Variants in CCDC149 observed in about 807,000 individuals in gnomAD.
CCDC149 encodes the protein coiled-coil domain-containing protein 149.
Under a neutral mutation model 59.9 loss-of-function variants are expected in CCDC149, and 45 were observed. The ratio of observed to expected loss-of-function variants is 0.75; its 90% CI spans 0.59 to 0.96. The LOEUF is 0.96. CCDC149 is among the 40% of genes least tolerant of loss of function. The pLI is 0.00. For missense variants in CCDC149, 584 were observed against 664.7 expected, an observed-to-expected ratio of 0.88 and a Z score of 1.33; for synonymous variants, 245 against 260.6, an observed-to-expected ratio of 0.94 and a Z score of 0.58.
chr4:24,975,772 G>A (rs985872450), intron 1 of CCDC149, among the ~76,000 whole-genome samples: 22 of 151,806 alleles, frequency 1.4e-4, no homozygotes, highest in African/African-American at 4.9e-4. Flanking sequence ...CGGGTCCCAG[G>A]CAAGCAGAAA....
At chr4:24,949,190 C>T (rs1723203338) in intron 1 of CCDC149, among the ~76,000 whole-genome samples, 1 of 152,136 alleles carries the variant, frequency 6.6e-6, no homozygotes, top group African/African-American at 2.4e-5. Context: ...TTGGAAATAA[C>T]CTCTTCATTA....
chr4:24,953,737 G>T (rs771633637), intron 1 of CCDC149, among the ~76,000 whole-genome samples: 14 of 152,150 alleles, frequency 9.2e-5, no homozygotes, highest in Non-Finnish European at 1.5e-4. Flanking sequence ...ACTTGCCAAA[G>T]ACTTTAAAAC....
chr4:24,942,268 G>T (rs1237106949), intron 1 of CCDC149, among the ~76,000 whole-genome samples: 2 of 152,062 alleles, frequency 1.3e-5, no homozygotes, highest in South Asian at 2.1e-4. Context: ...ACATAATCCA[G>T]CATATAAACA....
At chr4:24,820,018 G>A (rs1715280652) in intron 11 of CCDC149, 43 bp from the exon 12 acceptor site, 2 of 1,439,080 alleles carry the variant, frequency 1.4e-6, no homozygotes, top group African/African-American at 2.8e-5. Flanking sequence ...TATCATCAGT[G>A]GAGTTGGGTT....
upstream of CCDC149, among the ~76,000 whole-genome samples, chr4:24,917,264 C>T (rs568758871): frequency 7.5e-4 from 114 of 152,340 alleles, 1 homozygote; most frequent in Admixed American, 4.9e-3. Context: ...ACAGTCAGCA[C>T]GAGCTGCTCC....
chr4:24,960,102 A>G (rs1723596019), intron 1 of CCDC149, among the ~76,000 whole-genome samples: 1 of 152,230 alleles, frequency 6.6e-6, no homozygotes, highest in Non-Finnish European at 1.5e-5. Context: ...AGTAAGATAT[A>G]TACAATAGCA....
chr4:24,974,758 G>T (rs1724102207), intron 1 of CCDC149, among the ~76,000 whole-genome samples: 1 of 152,110 alleles, frequency 6.6e-6, no homozygotes, highest in Non-Finnish European at 1.5e-5. Flanking sequence ...TGGGACTCAG[G>T]GTCTCCCTGA....
intron 2 of CCDC149, among the ~76,000 whole-genome samples, chr4:24,875,461 AT>A (rs1457274056): frequency 6.6e-6 from 1 of 151,792 alleles, no homozygotes; most frequent in East Asian, 1.9e-4. Context: ...ATGTTTTATT[AT>A]TTTTAAAAAT....
chr4:24,941,623 A>C (rs927620922), intron 1 of CCDC149, among the ~76,000 whole-genome samples: 43 of 152,266 alleles, frequency 2.8e-4, no homozygotes, highest in Non-Finnish European at 5.1e-4. Context: ...TTTTTTGAAA[A>C]GATCAACAAA....
At chr4:24,940,840 A>G (rs1437458724) in intron 1 of CCDC149, among the ~76,000 whole-genome samples, 1 of 152,232 alleles carries the variant, frequency 6.6e-6, no homozygotes, top group Non-Finnish European at 1.5e-5. Context: ...CAACGAGAAG[A>G]ACTAACTATC....
chr4:24,894,196 T>G (rs746407479), intron 1 of CCDC149, among the ~76,000 whole-genome samples: 40 of 152,300 alleles, frequency 2.6e-4, no homozygotes, highest in Non-Finnish European at 4.7e-4. Context: ...TTCCTTCATA[T>G]AGGTTCCTGA....
chr4:24,910,522 A>G (rs142719377), intron 1 of CCDC149, among the ~76,000 whole-genome samples: 12 of 152,146 alleles, frequency 7.9e-5, no homozygotes, highest in Non-Finnish European at 1.6e-4. Context: ...TGAATTTTTC[A>G]CAGGCACCCA....
At chr4:24,975,081 T>A (rs1724116859) in intron 1 of CCDC149, among the ~76,000 whole-genome samples, 1 of 152,150 alleles carries the variant, frequency 6.6e-6, no homozygotes, top group Non-Finnish European at 1.5e-5. Flanking sequence ...TAGCTTGCTC[T>A]CTTGCCTTAT....
At chr4:24,886,113 A>G (rs1389093145) in intron 1 of CCDC149, among the ~76,000 whole-genome samples, 1 of 152,252 alleles carries the variant, frequency 6.6e-6, no homozygotes, top group African/African-American at 2.4e-5. Context: ...TGGCAGAGCC[A>G]GACTGTTACC....
intron 1 of CCDC149, among the ~76,000 whole-genome samples, chr4:24,950,711 C>T (rs932621395): frequency 1.3e-5 from 2 of 152,178 alleles, no homozygotes; most frequent in African/African-American, 4.8e-5. Flanking sequence ...TAACAAGTTC[C>T]TTTATTTTTC....
In CCDC149 at chr4:24,912,886, G is replaced by C. The variant is rs1320088958; in HGVS notation, c.-7C>G. 1.5e-6 allele frequency: 2 copies of C among 1,348,130 alleles called. No individual in the cohort carries two copies. Among genetic ancestry groups the C allele is most frequent in the Non-Finnish European group, 1.9e-6 (2 of 1,033,702 alleles). The allele number at this position is 1,348,130 out of a possible 1,614,324, so 83.5% of individuals were successfully genotyped here. A position where few individuals can be genotyped will look rare whatever the true frequency, so the allele number is the denominator to read the frequency against. ...TCATGGCCTCCTCCTCCATGCGCTG[G>C]CCGGCCTCCTGGACCCCCGCCGCCT... On this transcript the variant is annotated 5_prime_UTR_variant, in exon 1 of 13. Coordinates refer to ENST00000635206, the MANE Select transcript of CCDC149 (RefSeq NM_001330643.2).
In CCDC149 at chr4:24,837,475, A is replaced by G; in HGVS notation, c.490-75T>C. The G allele has an allele frequency of 7.0e-7, 1 of 1,426,872 alleles. No individual in the cohort carries two copies. 88.4% of individuals were successfully genotyped at this position (1,426,872 alleles called of 1,614,324 possible). A position where few individuals can be genotyped will look rare whatever the true frequency, so the allele number is the denominator to read the frequency against. On this transcript the variant is annotated intron_variant, in intron 5 of 12. Coordinates refer to ENST00000635206, the MANE Select transcript of CCDC149 (RefSeq NM_001330643.2). This position sits in a 1 kb window ranked among gnomAD's most constrained non-coding sequence, Gnocchi z 4.3. The stretch of plus-strand genomic sequence containing the variant: ...TTTATGGCCAGAGATGGAGCCTCCC[A>G]CTTGGTTGACTGATTTTTAGAGAGT...
intron 1 of CCDC149, among the ~76,000 whole-genome samples, chr4:24,901,817 C>T (rs960474293): frequency 6.6e-6 from 1 of 152,194 alleles, no homozygotes; most frequent in Non-Finnish European, 1.5e-5. Context: ...CAAGGGCCAT[C>T]TTGGACTCAT....
At chr4:24,822,630 C>G in intron 9 of CCDC149, 57 bp from the exon 10 acceptor site, 1 of 1,246,408 alleles carries the variant, frequency 8.0e-7, no homozygotes, top group African/African-American at 1.5e-5. Flanking sequence ...AGCCCCCAGC[C>G]CTGGGAATCC....
Sources: allele counts gnomAD v4.1 joint callset (sites outside exome capture counted in the v4.1 genomes callset), GRCh38; gene constraint gnomAD v4.1.1; non-coding constraint Gnocchi (gnomAD v3.1); transcripts MANE v1.5; gene names NCBI Gene and HGNC (gene_info 2026-07-23, HGNC 2026-07-21).